The following RDX variants were observed in gnomAD, a reference collection of about 807,000 sequenced individuals.
RDX encodes the protein radixin.
Under a neutral mutation model 83.7 loss-of-function variants are expected in RDX, and 32 were observed. The observed-to-expected ratio is 0.38, with a 90% CI of 0.29 to 0.51. The LOEUF is 0.51. RDX is among the 20% of genes least tolerant of loss of function. The pLI is 0.87. For missense variants in RDX, 600 were observed against 689.9 expected, an observed-to-expected ratio of 0.87 and a Z score of 1.46; for synonymous variants, 229 against 222.7, an observed-to-expected ratio of 1.03 and a Z score of -0.25.
At chr11:110,236,313 A>C in intron 11 of RDX, 122 bp from the exon 12 acceptor site, 2 of 720,328 alleles carry the variant, frequency 2.8e-6, no homozygotes, top group Non-Finnish European at 4.7e-6. Context: ...CATTTAAAAA[A>C]ATACAGTATT....
Position 110,258,120 on chromosome 11 carries a change from A to G in RDX, c.537T>C (p.His179=), listed in dbSNP as rs748052624. 2 of 1,608,140 alleles carry G rather than the reference A, an allele frequency of 1.2e-6. No individual in the cohort carries two copies. Among genetic ancestry groups the G allele is most frequent in the East Asian group, 2.2e-5 (1 of 44,658 alleles). ...EERIQNWHEE[H]RGMLREDSMM... is the part of the protein sequence containing the mutation. ...TACCCAAATACCTTAACATTCCTCT[A>G]TGTTCTTCATGCCAGTTCTGTATTC... is the stretch of plus-strand genomic sequence containing the variant. The change falls in exon 6 of 14, where the codon CAT becomes CAC. Residue 179 remains histidine (H), a synonymous_variant. Transcript: ENST00000645495.
At chr11:110,184,964 T>C (rs754652169) in intron 15 of RDX, 2 of 152,236 alleles carry the variant, frequency 1.3e-5, no homozygotes, top group Admixed American at 6.5e-5. Context: ...GGACACACTC[T>C]GCTCTGGCCT....
At chr11:110,280,625 C>T (rs774085590) in intron 1 of RDX, among the ~76,000 whole-genome samples, 2 of 152,208 alleles carry the variant, frequency 1.3e-5, no homozygotes, top group Non-Finnish European at 2.9e-5. Flanking sequence ...GTGTATGAAA[C>T]AGGCAAAGCT....
chr11:110,214,906 G>T (rs575125232), intron 14 of RDX, among the ~76,000 whole-genome samples: 20 of 148,502 alleles, frequency 1.3e-4, no homozygotes, highest in African/African-American at 5.0e-4. Context: ...ACAAGTTAGT[G>T]GGTGCAGCGC....
chr11:110,295,087 A>G (rs1456013717), intron 1 of RDX, among the ~76,000 whole-genome samples: 1 of 152,240 alleles, frequency 6.6e-6, no homozygotes, highest in Non-Finnish European at 1.5e-5. Context: ...ATGTTGCTGT[A>G]TTTGAAGGAA....
intron 14 of RDX, among the ~76,000 whole-genome samples, chr11:110,201,427 T>C (rs961776382): frequency 2.0e-5 from 3 of 151,780 alleles, no homozygotes; most frequent in Admixed American, 6.6e-5. Context: ...AGAGAGGGAA[T>C]AGAACTGAAG....
At chr11:110,232,601 T>C (rs748290652) in intron 13 of RDX, among the ~76,000 whole-genome samples, 1 of 152,172 alleles carries the variant, frequency 6.6e-6, no homozygotes, top group African/African-American at 2.4e-5. Context: ...TTAACTATCA[T>C]TCTTTCCAAT....
chr11:110,240,701 C>T (rs1250509235), intron 10 of RDX, among the ~76,000 whole-genome samples: 4 of 140,246 alleles, frequency 2.9e-5, no homozygotes, highest in African/African-American at 1.1e-4. Flanking sequence ...GCCGAGATGG[C>T]GCCACTGCAC....
At chr11:110,252,473 G>A (rs1053504088) in intron 9 of RDX, among the ~76,000 whole-genome samples, 1 of 152,156 alleles carries the variant, frequency 6.6e-6, no homozygotes, top group African/African-American at 2.4e-5. Context: ...ACTATAGAGT[G>A]ATGAGTATGA....
At chr11:110,273,963 C>T (rs1860404255) in intron 2 of RDX, among the ~76,000 whole-genome samples, 8 of 152,142 alleles carry the variant, frequency 5.3e-5, no homozygotes, top group Admixed American at 5.2e-4. Flanking sequence ...GAGGACACAG[C>T]TTGTGCCATT....
At position 110,233,425 on chromosome 11, in the gene RDX, T is replaced by A; in HGVS notation, c.1399A>T (p.Met467Leu). The change falls in exon 13 of 14, where the codon ATG becomes TTG. Residue 467 changes from methionine to leucine, a missense_variant. Transcript: ENST00000645495. Reference protein sequence around the residue: ...EKTKEELKTVMSAPPPPPPPP... With the variant: ...EKTKEELKTVLSAPPPPPPPP... ...GGTGGAGGTGGAGGGGGGGCAGACATCACAGTTTTTAACTCTTCTTTGGTC... is the reference window on the plus strand; with the variant it reads ...GGTGGAGGTGGAGGGGGGGCAGACAACACAGTTTTTAACTCTTCTTTGGTC... 1 of 1,614,044 alleles carries A rather than the reference T, an allele frequency of 6.2e-7. No individual in the cohort carries two copies. The highest frequency in any genetic ancestry group is 8.5e-7 in the Non-Finnish European group (1 of 1,179,978).
At chr11:110,292,682 C>A (rs1454367628) in intron 1 of RDX, among the ~76,000 whole-genome samples, 1 of 151,788 alleles carries the variant, frequency 6.6e-6, no homozygotes, top group East Asian at 1.9e-4. Flanking sequence ...GTCCTGAAAG[C>A]CATAGAGATT....
chr11:110,237,423 TTTTC>T, intron 11 of RDX, 65 bp downstream of exon 11: 1 of 1,479,452 alleles, frequency 6.8e-7, no homozygotes, highest in Non-Finnish European at 9.2e-7. Flanking sequence ...GCTTTTCTTT[TTTTC>T]TTTTTTAGAG....
exon 15 of RDX, chr11:110,199,654 C>T: frequency 2.8e-6 from 2 of 703,034 alleles, no homozygotes; most frequent in Non-Finnish European, 5.2e-6. Context: ...GCATCTGGAA[C>T]AATGCATACA....
At chr11:110,220,516 T>A (rs1591121291) in intron 14 of RDX, among the ~76,000 whole-genome samples, 1 of 152,094 alleles carries the variant, frequency 6.6e-6, no homozygotes. Context: ...CCCAAAGATT[T>A]CTCTTATTTT....
At chr11:110,217,264 G>A (rs1241077893) in intron 14 of RDX, among the ~76,000 whole-genome samples, 10 of 152,126 alleles carry the variant, frequency 6.6e-5, no homozygotes, top group Admixed American at 4.6e-4. Flanking sequence ...TTTACAGGTC[G>A]GGGATGGTTA....
At chr11:110,205,538 A>G (rs948206556) in intron 14 of RDX, among the ~76,000 whole-genome samples, 4 of 152,078 alleles carry the variant, frequency 2.6e-5, no homozygotes, top group Admixed American at 2.6e-4. Context: ...AGTAACCACA[A>G]TGGAAAGAAA....
At chr11:110,189,249 A>T (rs920517621) in intron 15 of RDX, among the ~76,000 whole-genome samples, 30 of 132,408 alleles carry the variant, frequency 2.3e-4, no homozygotes, top group Admixed American at 1.4e-3. Flanking sequence ...CAGGTAAAAA[A>T]AAAAAAAAAA....
chr11:110,242,056 A>T (rs1276671128), intron 10 of RDX, among the ~76,000 whole-genome samples: 1 of 152,170 alleles, frequency 6.6e-6, no homozygotes, highest in Non-Finnish European at 1.5e-5. Flanking sequence ...ATGGGTGCAG[A>T]GTTTTAGTTT....
Sources: allele counts gnomAD v4.1 joint callset (sites outside exome capture counted in the v4.1 genomes callset), GRCh38; gene constraint gnomAD v4.1.1; transcripts MANE v1.5; gene names NCBI Gene and HGNC (gene_info 2026-07-23, HGNC 2026-07-21).